Variants in CPED1 observed in about 807,000 individuals in gnomAD.
CPED1 encodes the protein cadherin like and PC-esterase domain containing 1.
CPED1 carries 114 observed loss-of-function variants against 128.2 expected under a neutral mutation model. That is an observed-to-expected ratio of 0.89 (90% CI 0.76 to 1.04). CPED1 has a LOEUF of 1.04. Among genes scored for constraint, CPED1 ranks in the 50% least tolerant of loss-of-function variants. CPED1 has a pLI of 0.00. For synonymous variants in CPED1, 462 were observed against 426.7 expected (o/e 1.08, Z -1.02); for missense variants, 1,211 against 1,207.1 (o/e 1.00, Z -0.05).
intron 22 of CPED1, among the ~76,000 whole-genome samples, chr7:121,285,975 T>TA (rs1223448374): frequency 6.6e-6 from 1 of 152,218 alleles, no homozygotes; most frequent in Non-Finnish European, 1.5e-5. Flanking sequence ...TGTGAGGACA[T>TA]ACCTGAGACT....
intron 22 of CPED1, among the ~76,000 whole-genome samples, chr7:121,294,115 G>T (rs147289086): frequency 9.1e-4 from 139 of 152,086 alleles, no homozygotes; most frequent in African/African-American, 3.2e-3. Flanking sequence ...ACCTGAGTTT[G>T]ATTAACTCAG....
In CPED1 at chr7:121,093,403, C is replaced by A. The variant is rs574461827; in HGVS notation, c.617-4296C>A. Among the ~76,000 whole-genome samples, 10 of 149,528 alleles carry A rather than the reference C, an allele frequency of 6.7e-5. No individual in the cohort carries two copies. The East Asian group carries it at 1.9e-3, about 29-fold the overall frequency. On this transcript the variant is annotated intron_variant, in intron 5 of 22. Transcript: ENST00000310396. ...ATATTGCTCCCTTTTTCTGTACACACACACACACACACACACACACACACA... is the reference window on the plus strand; with the variant it reads ...ATATTGCTCCCTTTTTCTGTACACAAACACACACACACACACACACACACA...
chr7:121,257,034 A>G (rs1323793032), intron 18 of CPED1, among the ~76,000 whole-genome samples: 1 of 152,046 alleles, frequency 6.6e-6, no homozygotes, highest in East Asian at 1.9e-4. Flanking sequence ...AGACATGGAC[A>G]TAAACATGGG....
intron 15 of CPED1, 119 bp from the exon 16 acceptor site, chr7:121,141,854 C>A (rs953938739): frequency 1.0e-5 from 7 of 701,940 alleles, no homozygotes; most frequent in Non-Finnish European, 1.6e-5. Flanking sequence ...TGAAATTGTA[C>A]AGACCTTTCC....
chr7:121,087,312 C>G (rs959193417), intron 5 of CPED1, among the ~76,000 whole-genome samples: 1 of 152,152 alleles, frequency 6.6e-6, no homozygotes, highest in African/African-American at 2.4e-5. Flanking sequence ...AAACACTATC[C>G]TGCCCAACAT....
chr7:121,035,971 TAAGA>T (rs1354413070), intron 3 of CPED1, among the ~76,000 whole-genome samples: 1 of 151,984 alleles, frequency 6.6e-6, no homozygotes, highest in Non-Finnish European at 1.5e-5. Flanking sequence ...TCTTGAAACA[TAAGA>T]AAGATTAAGA....
chr7:121,054,102 G>T (rs548751600), intron 4 of CPED1, among the ~76,000 whole-genome samples: 1 of 152,264 alleles, frequency 6.6e-6, no homozygotes, highest in East Asian at 1.9e-4. Context: ...ACAAAGATCT[G>T]GGTACTAGGT....
intron 7 of CPED1, among the ~76,000 whole-genome samples, chr7:121,116,954 C>CTA (rs1820208639): frequency 1.2e-5 from 1 of 80,868 alleles, no homozygotes; most frequent in African/African-American, 4.0e-5. Context: ...CTCTCTCTCT[C>CTA]TCTCTCTCTA....
intron 16 of CPED1, among the ~76,000 whole-genome samples, chr7:121,179,681 A>G (rs1431821995): frequency 6.6e-6 from 1 of 152,096 alleles, no homozygotes; most frequent in Admixed American, 6.6e-5. Flanking sequence ...TAACAGCTCA[A>G]TGGTAATGAC....
At chr7:121,058,802 A>C (rs1009345246) in intron 4 of CPED1, among the ~76,000 whole-genome samples, 1 of 152,202 alleles carries the variant, frequency 6.6e-6, no homozygotes, top group African/African-American at 2.4e-5. Flanking sequence ...ATGAACCAAG[A>C]CTTTATTATG....
intron 4 of CPED1, among the ~76,000 whole-genome samples, chr7:121,055,373 T>G (rs12706309): frequency 0.66 from 99,768 of 151,814 alleles, 35,527 homozygotes; most frequent in Admixed American, 0.81. Flanking sequence ...TCACACATGA[T>G]AAATTTCCTG....
intron 2 of CPED1, among the ~76,000 whole-genome samples, chr7:121,001,558 A>G (rs919223419): frequency 1.3e-5 from 2 of 152,128 alleles, no homozygotes; most frequent in African/African-American, 2.4e-5. Flanking sequence ...CGGGGTCATA[A>G]TATTTCTTAT....
intron 5 of CPED1, among the ~76,000 whole-genome samples, chr7:121,093,390 T>G (rs965775271): frequency 2.7e-5 from 2 of 72,782 alleles, no homozygotes; most frequent in African/African-American, 1.1e-4. Context: ...ATTGCTCCCT[T>G]TTTCTGTACA....
Position 121,271,402 on chromosome 7 carries a change from A to C in CPED1, c.2840A>C (p.Gln947Pro). The change falls in exon 22 of 23, where the codon CAG (glutamine) becomes CCG (proline). Residue 947 changes from glutamine to proline, a missense_variant. Transcript: ENST00000310396. ...ITMGRYKEFLQGKCGCHFHEV... is the reference protein window; with the variant it reads ...ITMGRYKEFLPGKCGCHFHEV... ...ATGGGGCGTTACAAAGAGTTTCTAC[A>C]GGGGAAGTGTGGATGTCATTTCCAT... 6.2e-7 allele frequency: 1 copy of C among 1,612,884 alleles called. No individual in the cohort carries two copies. The highest frequency in any genetic ancestry group is 8.5e-7 in the Non-Finnish European group (1 of 1,179,206).
chr7:121,036,916 T>C (rs1291133671), intron 3 of CPED1, among the ~76,000 whole-genome samples: 1 of 152,158 alleles, frequency 6.6e-6, no homozygotes, highest in Non-Finnish European at 1.5e-5. Flanking sequence ...TTTCATATGC[T>C]TGTTGGAAAT....
At chr7:121,095,830 T>A (rs1452753455) in intron 5 of CPED1, among the ~76,000 whole-genome samples, 1 of 152,152 alleles carries the variant, frequency 6.6e-6, no homozygotes. Flanking sequence ...TCTAGCTTCT[T>A]TAATGTCAAG....
At chr7:121,194,044 A>ATTT (rs1198290127) in intron 16 of CPED1, among the ~76,000 whole-genome samples, 28 of 66,418 alleles carry the variant, frequency 4.2e-4, no homozygotes, top group South Asian at 1.5e-3. Flanking sequence ...ATATATATAT[A>ATTT]TATATTTTTT....
intron 22 of CPED1, among the ~76,000 whole-genome samples, chr7:121,288,137 A>G (rs1330865488): frequency 6.6e-6 from 1 of 152,194 alleles, no homozygotes; most frequent in Non-Finnish European, 1.5e-5. Context: ...ATACTACCAG[A>G]TGTTTTTAAT....
At chr7:120,992,180 G>T (rs1023640468) in intron 2 of CPED1, among the ~76,000 whole-genome samples, 2 of 152,086 alleles carry the variant, frequency 1.3e-5, no homozygotes, top group Admixed American at 1.3e-4. Flanking sequence ...TAAAAAAACT[G>T]ATTAGATGCT....
Sources: gnomAD v4.1 joint callset for allele counts (sites outside exome capture counted in the v4.1 genomes callset) on GRCh38, gnomAD v4.1.1 for gene constraint, MANE v1.5 for transcripts, NCBI Gene and HGNC (gene_info 2026-07-23, HGNC 2026-07-21) for gene names.